The following MED13L variants were observed in gnomAD, a reference collection of about 807,000 sequenced individuals.
MED13L encodes mediator of RNA polymerase II transcription subunit 13-like.
Under a neutral mutation model 220.9 loss-of-function variants are expected in MED13L, and 7 were observed. The ratio of observed to expected loss-of-function variants is 0.03; its 90% confidence interval spans 0.02 to 0.06. MED13L has a LOEUF of 0.06. MED13L is among the 10% of genes least tolerant of loss of function. MED13L has a pLI of 1.00. For missense variants in MED13L, 1,965 were observed against 2,760.5 expected (o/e 0.71, Z 6.46); for synonymous variants, 1,011 against 1,015.2 (o/e 1.00, Z 0.08).
At chr12:116,087,735 T>A (rs2137772074) in intron 4 of MED13L, among the ~76,000 whole-genome samples, 1 of 152,060 alleles carries the variant, frequency 6.6e-6, no homozygotes, top group Admixed American at 6.6e-5. Context: ...TCATCCTACC[T>A]CATTCTGCAA....
At chr12:115,982,059 C>A in intron 22 of MED13L, 1 of 294,392 alleles carries the variant, frequency 3.4e-6, no homozygotes, top group Non-Finnish European at 6.5e-6. Flanking sequence ...TGATGTATTG[C>A]AGTCAAAATT....
intron 2 of MED13L, among the ~76,000 whole-genome samples, chr12:116,216,286 C>T (rs947808129): frequency 2.6e-5 from 4 of 152,174 alleles, no homozygotes; most frequent in African/African-American, 7.2e-5. Context: ...GCAGGGATTA[C>T]AGGCATGAGC....
chr12:115,960,993 TG>T lies in MED13L; in HGVS notation c.*272del. The stretch of plus-strand genomic sequence containing the variant: ...AAAGCCATCAACCACCACCACTTCC[TG>T]GGGACCAGTGGTTGGGGCTACACAC... On this transcript the variant is annotated 3_prime_UTR_variant, in exon 31 of 31. Transcript: ENST00000281928. 1 of 463,422 alleles carries T rather than the reference TG, an allele frequency of 2.2e-6. No homozygotes were observed. The highest frequency in any genetic ancestry group is 4.0e-6 in the Non-Finnish European group (1 of 249,768). The allele number at this position is 463,422 out of a possible 1,614,324, so 28.7% of individuals were successfully genotyped here. A position where few individuals can be genotyped will look rare whatever the true frequency, so the allele number is the denominator to read the frequency against.
intron 9 of MED13L, among the ~76,000 whole-genome samples, chr12:116,009,543 T>C (rs188394349): frequency 1.3e-5 from 2 of 152,300 alleles, no homozygotes; most frequent in African/African-American, 4.8e-5. Context: ...AACTGTAATA[T>C]AGAATGGCTT....
chr12:116,211,110 TGCACTTCTGCTCA>T (rs375542200), intron 2 of MED13L, among the ~76,000 whole-genome samples: 8 of 152,312 alleles, frequency 5.3e-5, no homozygotes, highest in South Asian at 2.1e-4. Flanking sequence ...AACTTCCCAC[TGCACTTCTGCTCA>T]ATGATCTTCT....
chr12:116,217,427 T>C (rs1565933167), intron 2 of MED13L, among the ~76,000 whole-genome samples: 1 of 152,132 alleles, frequency 6.6e-6, no homozygotes, highest in Admixed American at 6.5e-5. Flanking sequence ...CATAACTACA[T>C]CCCTTTGAGT....
At chr12:116,024,342 A>G (rs558371127) in intron 4 of MED13L, among the ~76,000 whole-genome samples, 1 of 152,344 alleles carries the variant, frequency 6.6e-6, no homozygotes, top group African/African-American at 2.4e-5. Context: ...CATACAAATA[A>G]TAACAAAATG....
chr12:116,040,641 T>C (rs1484901432), intron 4 of MED13L, among the ~76,000 whole-genome samples: 1 of 152,162 alleles, frequency 6.6e-6, no homozygotes, highest in African/African-American at 2.4e-5. Flanking sequence ...TTCCTGATTT[T>C]TAAACTCGTA....
intron 1 of MED13L, among the ~76,000 whole-genome samples, chr12:116,275,608 A>C (rs1236310881): frequency 6.6e-6 from 1 of 152,214 alleles, no homozygotes; most frequent in Non-Finnish European, 1.5e-5. Context: ...ATTAAATGTA[A>C]CTAATTACAA....
intron 1 of MED13L, among the ~76,000 whole-genome samples, chr12:116,254,102 T>G (rs1871825895): frequency 6.6e-6 from 1 of 151,964 alleles, no homozygotes; most frequent in South Asian, 2.1e-4. Context: ...TTTCTCAACC[T>G]TACGGGGATA....
intron 25 of MED13L, among the ~76,000 whole-genome samples, chr12:115,974,041 A>AT (rs1287673318): frequency 6.6e-6 from 1 of 150,388 alleles, no homozygotes; most frequent in Non-Finnish European, 1.5e-5. Context: ...TGAATTTCCT[A>AT]TAAAAAAAAA....
chr12:116,041,239 C>A (rs535110406), intron 4 of MED13L, among the ~76,000 whole-genome samples: 32 of 152,264 alleles, frequency 2.1e-4, no homozygotes, highest in African/African-American at 7.7e-4. Flanking sequence ...CTCAGGAGAT[C>A]TGGCTGTTTG....
intron 4 of MED13L, among the ~76,000 whole-genome samples, chr12:116,091,569 G>C (rs1435820506): frequency 6.6e-6 from 1 of 152,170 alleles, no homozygotes; most frequent in Admixed American, 6.5e-5. Context: ...CCCTTATTAA[G>C]TGTTTGTCTG....
intron 1 of MED13L, among the ~76,000 whole-genome samples, chr12:116,265,821 C>T (rs1484214352): frequency 6.6e-6 from 1 of 152,174 alleles, no homozygotes; most frequent in Non-Finnish European, 1.5e-5. Flanking sequence ...CAATAAAGAT[C>T]CTCAAGAATA....
At chr12:116,018,897 TA>T (rs1303750002) in intron 7 of MED13L, among the ~76,000 whole-genome samples, 301 of 111,586 alleles carry the variant, frequency 2.7e-3, no homozygotes, top group Admixed American at 5.8e-3. Flanking sequence ...TGTTCAAAAT[TA>T]AAAAAAAAAA....
Position 116,022,449 on chromosome 12 carries a change from T to C in MED13L, c.625+7A>G. On this transcript the variant is annotated splice_region_variant and intron_variant, in intron 5 of 30. Transcript: ENST00000281928. The stretch of plus-strand genomic sequence containing the variant: ...TAGGGGTGGAGAGCAGGAACACCCA[T>C]ACTTACCTTGAAATGGTGCAGGTGA... 8 of 1,613,560 alleles carry C rather than the reference T, an allele frequency of 5.0e-6. No homozygotes were observed. The highest frequency in any genetic ancestry group is 5.9e-6 in the Non-Finnish European group (7 of 1,179,710).
chr12:116,253,761 T>TG (rs954821094), intron 1 of MED13L, among the ~76,000 whole-genome samples: 5 of 137,066 alleles, frequency 3.6e-5, no homozygotes, highest in African/African-American at 8.3e-5. Flanking sequence ...TTGTTTTTTT[T>TG]TTTTTTTTTT....
intron 13 of MED13L, 137 bp downstream of exon 13, chr12:116,005,732 C>G (rs1238735654): frequency 1.7e-6 from 2 of 1,146,206 alleles, no homozygotes; most frequent in Non-Finnish European, 2.6e-6. Flanking sequence ...AGTATACAGA[C>G]ATTTATAAAG....
chr12:116,009,660 G>A (rs895883570), intron 9 of MED13L, among the ~76,000 whole-genome samples: 49 of 152,156 alleles, frequency 3.2e-4, no homozygotes, highest in African/African-American at 1.2e-3. Context: ...ACATTTAATA[G>A]GATAAATATA....
Sources: allele counts gnomAD v4.1 joint callset (sites outside exome capture counted in the v4.1 genomes callset), GRCh38; gene constraint gnomAD v4.1.1; transcripts MANE v1.5; gene names NCBI Gene and HGNC (gene_info 2026-07-23, HGNC 2026-07-21).